SDK1: variants seen among roughly 807,000 people sequenced by gnomAD.
The protein encoded by SDK1 is protein sidekick-1.
Under a neutral mutation model 245.5 loss-of-function variants are expected in SDK1, and 157 were observed. That is an observed-to-expected ratio of 0.64 (90% CI 0.56 to 0.73). The LOEUF is 0.73. Among genes scored for constraint, SDK1 ranks in the 30% least tolerant of loss-of-function variants. The pLI is 0.00. For synonymous variants in SDK1, 1,647 were observed against 1,278.5 expected, an observed-to-expected ratio of 1.29 and a Z score of -6.15; for missense variants, 3,583 against 3,002.3, an observed-to-expected ratio of 1.19 and a Z score of -4.52.
intron 5 of SDK1, among the ~76,000 whole-genome samples, chr7:3,934,239 A>G (rs539557707): frequency 7.2e-5 from 11 of 152,346 alleles, no homozygotes; most frequent in African/African-American, 2.6e-4. Flanking sequence ...CACTTTCTGA[A>G]CAGACTGTGA....
intron 1 of SDK1, among the ~76,000 whole-genome samples, chr7:3,406,535 G>A (rs1779060324): frequency 6.6e-6 from 1 of 152,090 alleles, no homozygotes; most frequent in Non-Finnish European, 1.5e-5. Flanking sequence ...GGGCCAGTTC[G>A]TTAATCTACT....
At chr7:3,768,781 G>A (rs1478584313) in intron 4 of SDK1, among the ~76,000 whole-genome samples, 5 of 152,284 alleles carry the variant, frequency 3.3e-5, no homozygotes, top group African/African-American at 7.2e-5. Context: ...AAACTCCCAC[G>A]TGTATTCCTC....
chr7:3,665,580 A>G (rs1392349234), intron 4 of SDK1, among the ~76,000 whole-genome samples: 1 of 152,140 alleles, frequency 6.6e-6, no homozygotes. Context: ...TGACTAGTTA[A>G]TAAATATTTT....
chr7:4,204,045 A>C (rs1784046890), intron 35 of SDK1, among the ~76,000 whole-genome samples: 2 of 152,208 alleles, frequency 1.3e-5, no homozygotes, highest in South Asian at 4.1e-4. Context: ...ATCCAAGTCC[A>C]GAGCTGTCGT....
intron 4 of SDK1, among the ~76,000 whole-genome samples, chr7:3,785,866 T>C (rs2115017299): frequency 6.6e-6 from 1 of 152,346 alleles, no homozygotes. Flanking sequence ...TCCTGTTAAA[T>C]GTGAATTTAT....
intron 5 of SDK1, among the ~76,000 whole-genome samples, chr7:3,907,087 A>T (rs1033041928): frequency 6.6e-6 from 1 of 151,482 alleles, no homozygotes; most frequent in African/African-American, 2.4e-5. Context: ...TATGTTGCTA[A>T]AATCAGATAT....
chr7:3,579,976 T>G (rs1228614988), intron 1 of SDK1, among the ~76,000 whole-genome samples: 2 of 152,200 alleles, frequency 1.3e-5, no homozygotes, highest in African/African-American at 4.8e-5. Flanking sequence ...ATGAAAATCA[T>G]TAGCATTCCT....
intron 1 of SDK1, among the ~76,000 whole-genome samples, chr7:3,315,553 A>G (rs972175045): frequency 3.3e-5 from 5 of 152,164 alleles, no homozygotes; most frequent in African/African-American, 1.2e-4. Flanking sequence ...ATATTATAAA[A>G]CAGGTAAGAA....
chr7:3,455,524 C>G (rs1334984763), intron 1 of SDK1, among the ~76,000 whole-genome samples: 2 of 151,952 alleles, frequency 1.3e-5, no homozygotes, highest in African/African-American at 2.4e-5. Context: ...TATGCCAGCA[C>G]TGTATGTTGA....
intron 1 of SDK1, among the ~76,000 whole-genome samples, chr7:3,485,113 C>T (rs957457810): frequency 2.0e-5 from 3 of 152,172 alleles, no homozygotes; most frequent in African/African-American, 7.2e-5. Flanking sequence ...AATTTACATT[C>T]TCACCAAGAC....
intron 2 of SDK1, 34 bp from the exon 3 acceptor site, chr7:3,638,970 A>G (rs755528949): frequency 5.2e-6 from 7 of 1,341,300 alleles, no homozygotes; most frequent in South Asian, 1.3e-5. Context: ...AACACTGGAT[A>G]TAAGCATTAA....
chr7:3,931,520 C>T (rs1731422071), intron 5 of SDK1, among the ~76,000 whole-genome samples: 1 of 152,200 alleles, frequency 6.6e-6, no homozygotes, highest in South Asian at 2.1e-4. Flanking sequence ...AAGTAAACAA[C>T]TGCGTAGCTA....
At chr7:3,919,389 A>G (rs1262147943) in intron 5 of SDK1, among the ~76,000 whole-genome samples, 1 of 152,174 alleles carries the variant, frequency 6.6e-6, no homozygotes, top group Non-Finnish European at 1.5e-5. Flanking sequence ...GGAACCATCT[A>G]CTGCTGCAGG....
chr7:4,079,167 G>T (rs531665584), intron 21 of SDK1, among the ~76,000 whole-genome samples: 1 of 152,228 alleles, frequency 6.6e-6, no homozygotes, highest in South Asian at 2.1e-4. Flanking sequence ...AATTACCTAC[G>T]AAGTACAGAG....
chr7:3,959,571 C>T (rs1006708696), intron 8 of SDK1, among the ~76,000 whole-genome samples: 9 of 152,184 alleles, frequency 5.9e-5, no homozygotes, highest in Admixed American at 3.9e-4. Flanking sequence ...TCATCGCCCA[C>T]CCCACACCCT....
chr7:3,600,551 G>GT (rs368644982), intron 1 of SDK1, among the ~76,000 whole-genome samples: 8,143 of 108,966 alleles, frequency 0.075, 728 homozygotes, highest in African/African-American at 0.14. Context: ...ATTAGATGTA[G>GT]TTTTTTTTTT....
chr7:3,767,346 C>G (rs1350047643), intron 4 of SDK1, among the ~76,000 whole-genome samples: 1 of 152,040 alleles, frequency 6.6e-6, no homozygotes, highest in Admixed American at 6.6e-5. Context: ...AGCAAAGCAG[C>G]CTGGGAATGT....
chr7:3,451,937 T>A (rs1193342785), intron 1 of SDK1, among the ~76,000 whole-genome samples: 1 of 152,186 alleles, frequency 6.6e-6, no homozygotes, highest in Non-Finnish European at 1.5e-5. Context: ...CACGCAGGCT[T>A]CTCTCCTTAT....
rs538568861 is a variant in SDK1, at chr7:4,068,001, C to G, written c.3010+65C>G. 41 of 1,162,806 alleles carry G rather than the reference C, an allele frequency of 3.5e-5. No individual in the cohort carries two copies. The South Asian group carries it at 5.4e-4, about 15-fold the overall frequency. The allele number at this position is 1,162,806 out of a possible 1,614,324, so 72.0% of individuals were successfully genotyped here. A position where few individuals can be genotyped will look rare whatever the true frequency, so the allele number is the denominator to read the frequency against. The stretch of plus-strand genomic sequence containing the variant: ...TGTCCTCACAAAAAGAAGTGGCTGT[C>G]ACTTCAAACCAAACTGCTGACAGCA... On this transcript the variant is annotated intron_variant, in intron 20 of 44. Coordinates refer to ENST00000404826, the MANE Select transcript of SDK1 (RefSeq NM_152744.4).
Sources: allele counts gnomAD v4.1 joint callset (sites outside exome capture counted in the v4.1 genomes callset), GRCh38; gene constraint gnomAD v4.1.1; transcripts MANE v1.5; gene names NCBI Gene and HGNC (gene_info 2026-07-23, HGNC 2026-07-21).